MAP3K3: variants seen among roughly 807,000 people sequenced by gnomAD.
MAP3K3 encodes MAP/ERK kinase kinase 3.
MAP3K3 carries 12 observed loss-of-function variants against 80.9 expected under a neutral mutation model. That is an observed-to-expected ratio of 0.15 (90% CI 0.10 to 0.24). The LOEUF (loss-of-function observed/expected upper bound fraction) is 0.24. Among genes scored for constraint, MAP3K3 ranks in the 10% least tolerant of loss-of-function variants. The pLI is 1.00. For missense variants in MAP3K3, 596 were observed against 834.7 expected (o/e 0.71, Z 3.52); for synonymous variants, 272 against 307.1 (o/e 0.89, Z 1.19).
At chr17:63,650,250 A>C (rs1185127377) in intron 3 of MAP3K3, among the ~76,000 whole-genome samples, 1 of 152,110 alleles carries the variant, frequency 6.6e-6, no homozygotes, top group Non-Finnish European at 1.5e-5. Context: ...ATTTTCTCAA[A>C]GTTTGATATT....
At position 63,643,511 on chromosome 17, in the gene MAP3K3, CAAT is replaced by C. The variant is rs1219444707; in HGVS notation, c.127-2517_127-2515del. Among the ~76,000 whole-genome samples the C allele has an allele frequency of 3.3e-5, 5 of 151,156 alleles. No homozygotes were observed. The South Asian group carries it at 1.0e-3, about 32-fold the overall frequency. On this transcript the variant is annotated intron_variant, in intron 2 of 15. Coordinates refer to ENST00000361733, the MANE Select transcript of MAP3K3 (RefSeq NM_002401.5). ...GGGTGGCAGGAGTAAGACCCTGTCTCAATAATAACAATAATAATAATAGGGGAA... is the reference window on the plus strand; with the variant it reads ...GGGTGGCAGGAGTAAGACCCTGTCTCAATAACAATAATAATAATAGGGGAA...
At chr17:63,639,868 A>G (rs905878879) in intron 2 of MAP3K3, among the ~76,000 whole-genome samples, 3 of 152,094 alleles carry the variant, frequency 2.0e-5, no homozygotes, top group Non-Finnish European at 4.4e-5. Context: ...TTTATATCTT[A>G]TTTTCAGCTT....
intron 3 of MAP3K3, 32 bp from the exon 4 acceptor site, chr17:63,652,525 A>G (rs746560963): frequency 2.7e-6 from 4 of 1,488,358 alleles, no homozygotes; most frequent in South Asian, 1.1e-5. Flanking sequence ...TAAGTATACA[A>G]TTAACCAACC....
chr17:63,651,364 T>G (rs1034364213), intron 3 of MAP3K3, among the ~76,000 whole-genome samples: 12 of 152,100 alleles, frequency 7.9e-5, no homozygotes, highest in Admixed American at 5.9e-4. Flanking sequence ...TCCCAGCTAC[T>G]TGGGAAGCTG....
At chr17:63,675,613 AG>A (rs2035203148) in intron 6 of MAP3K3, among the ~76,000 whole-genome samples, 1 of 152,230 alleles carries the variant, frequency 6.6e-6, no homozygotes. Context: ...GGGTGGAATG[AG>A]GATAGCTGGC....
chr17:63,679,425 C>T (rs776087539), intron 6 of MAP3K3, among the ~76,000 whole-genome samples: 1 of 152,136 alleles, frequency 6.6e-6, no homozygotes, highest in African/African-American at 2.4e-5. Context: ...GATGCTTAGT[C>T]CCTGGTGCAC....
In MAP3K3 at chr17:63,632,767, A is replaced by C; in HGVS notation, c.91A>C (p.Met31Leu). The change falls in exon 2 of 16, where the codon ATG becomes CTG. Residue 31 changes from methionine to leucine, a missense_variant. Met to Leu is a conservative substitution (Grantham distance 15). Around this residue, in one of 2 missense-constraint regions of MAP3K3, gnomAD observed 232 missense variants for 245.8 expected, o/e 0.94. Transcript: ENST00000361733. ...RRHRMPGYET[M>L]KNKDTGHSNR... ...TCACCGGATGCCTGGATATGAGACCATGAAGAACAAAGACACAGGTCACTC... is the reference window on the plus strand; with the variant it reads ...TCACCGGATGCCTGGATATGAGACCCTGAAGAACAAAGACACAGGTCACTC... The C allele has an allele frequency of 6.2e-7, 1 of 1,614,178 alleles. No homozygotes were observed. The highest frequency in any genetic ancestry group is 8.5e-7 in the Non-Finnish European group (1 of 1,180,014).
intron 8 of MAP3K3, 135 bp from the exon 9 acceptor site, chr17:63,688,392 A>G (rs1409822755): frequency 2.8e-6 from 2 of 707,114 alleles, no homozygotes; most frequent in Non-Finnish European, 5.1e-6. Flanking sequence ...GGGCTCAGAA[A>G]AGGGCTATTT....
chr17:63,628,548 C>A (rs1379131964), intron 1 of MAP3K3, among the ~76,000 whole-genome samples: 4 of 151,640 alleles, frequency 2.6e-5, no homozygotes, highest in Non-Finnish European at 5.9e-5. Flanking sequence ...TTAGTAGAGA[C>A]GGGGTTTCTC....
chr17:63,681,112 TAAAA>T (rs76886126), intron 6 of MAP3K3, among the ~76,000 whole-genome samples: 1 of 130,480 alleles, frequency 7.7e-6, no homozygotes, highest in Non-Finnish European at 1.7e-5. Context: ...TGTCTCAATT[TAAAA>T]AAAAAAAAAA....
chr17:63,690,993 T>C, intron 12 of MAP3K3, 109 bp from the exon 13 acceptor site: 1 of 1,350,838 alleles, frequency 7.4e-7, no homozygotes, highest in Non-Finnish European at 1.0e-6. Flanking sequence ...CCAACTGCAG[T>C]TCCCAAGGCA....
intron 2 of MAP3K3, among the ~76,000 whole-genome samples, chr17:63,637,619 GCTT>G (rs748202724): frequency 1.3e-4 from 20 of 152,318 alleles, no homozygotes; most frequent in Non-Finnish European, 2.2e-4. Flanking sequence ...TTTGGGGAAA[GCTT>G]CTAACTACAA....
At chr17:63,645,294 C>G (rs546387761) in intron 2 of MAP3K3, among the ~76,000 whole-genome samples, 3 of 152,024 alleles carry the variant, frequency 2.0e-5, no homozygotes, top group Admixed American at 2.0e-4. Flanking sequence ...CAGAGTGACA[C>G]TCCGTCTCAA....
chr17:63,647,352 A>G (rs2034561253), intron 3 of MAP3K3, among the ~76,000 whole-genome samples: 1 of 152,104 alleles, frequency 6.6e-6, no homozygotes, highest in Non-Finnish European at 1.5e-5. Context: ...TACTTTTCAC[A>G]TTTTCCAACC....
chr17:63,683,686 G>A (rs1023184166), intron 7 of MAP3K3, among the ~76,000 whole-genome samples: 3 of 152,198 alleles, frequency 2.0e-5, no homozygotes, highest in Admixed American at 6.5e-5. Flanking sequence ...TAACAGGAAC[G>A]AACACTGCAT....
rs140617692 is a variant in MAP3K3, at chr17:63,641,759, A to G, written c.127-4275A>G. Among the ~76,000 whole-genome samples, 819 of 152,218 alleles carry G rather than the reference A, an allele frequency of 5.4e-3. 5 individuals carry two copies. Among genetic ancestry groups the G allele is most frequent in the African/African-American group, 0.018 (748 of 41,534 alleles). On this transcript the variant is annotated intron_variant, in intron 2 of 15. Coordinates refer to ENST00000361733, the MANE Select transcript of MAP3K3 (RefSeq NM_002401.5). ...AGAGATTGAGGAATCATCTATTTAG[A>G]GGCCCACTGAGAAGTTGTATGCAGA...
chr17:63,688,455 G>C lies in MAP3K3; in HGVS notation c.711-72G>C. The C allele has an allele frequency of 5.8e-6, 7 of 1,209,714 alleles. No homozygotes were observed. The South Asian group carries it at 8.5e-5, about 15-fold the overall frequency. 74.9% of individuals were successfully genotyped at this position (1,209,714 alleles called of 1,614,324 possible). Reference sequence around the variant, plus strand: ...TGCTGTGGCAGGGGTTAGAAAGGGAGACTGCCTGGACGCCCTGCTTGGTTG... The same window carrying C: ...TGCTGTGGCAGGGGTTAGAAAGGGACACTGCCTGGACGCCCTGCTTGGTTG... On this transcript the variant is annotated intron_variant, in intron 8 of 15. Transcript: ENST00000361733.
chr17:63,675,597 C>T (rs1299068282), intron 6 of MAP3K3, among the ~76,000 whole-genome samples: 4 of 152,228 alleles, frequency 2.6e-5, no homozygotes, highest in Admixed American at 6.5e-5. Context: ...AGAGCTAGCA[C>T]GCACTGGGTG....
Position 63,692,469 on chromosome 17 carries a change from C to T in MAP3K3, c.1652+50C>T, listed in dbSNP as rs1276935885. ...CATTCTTCCACCCAGGCCATAGTGG[C>T]CCCCCATTAGAAACACACCCTGGGG... is the stretch of plus-strand genomic sequence containing the variant. On this transcript the variant is annotated intron_variant, in intron 15 of 15. Coordinates refer to ENST00000361733, the MANE Select transcript of MAP3K3 (RefSeq NM_002401.5). The surrounding 1 kb of genome is among the most constrained non-coding windows in gnomAD (Gnocchi z 4.5). 6.5e-7 allele frequency: 1 copy of T among 1,534,758 alleles called. No individual in the cohort carries two copies. The highest frequency in any genetic ancestry group is 8.8e-7 in the Non-Finnish European group (1 of 1,139,234).
Sources: allele counts gnomAD v4.1 joint callset (sites outside exome capture counted in the v4.1 genomes callset), GRCh38; gene constraint gnomAD v4.1.1; regional missense constraint gnomAD v4.1.1; non-coding constraint Gnocchi (gnomAD v3.1); transcripts MANE v1.5; gene names NCBI Gene and HGNC (gene_info 2026-07-23, HGNC 2026-07-21).